The following DPH1 variants were observed in gnomAD, a reference collection of about 807,000 sequenced individuals.
DPH1 encodes the protein 2-(3-amino-3-carboxypropyl)histidine synthase subunit 1.
DPH1 carries 59 observed loss-of-function variants against 55.3 expected under a neutral mutation model. That is an observed-to-expected ratio of 1.07 (90% CI 0.87 to 1.33). DPH1 has a LOEUF of 1.33. Among genes scored for constraint, DPH1 ranks in the 40% most tolerant of loss-of-function variants. The probability of loss-of-function intolerance (pLI) is 0.00; values close to 1 mark genes in which losing one functional copy is unlikely to be tolerated. For synonymous variants in DPH1, 238 were observed against 235.5 expected (o/e 1.01, Z -0.10); for missense variants, 628 against 584.8 (o/e 1.07, Z -0.76).
In DPH1 at chr17:2,036,957, G is replaced by A; in HGVS notation, c.680+1G>A. 2 of 1,611,654 alleles carry A rather than the reference G, an allele frequency of 1.2e-6. No individual in the cohort carries two copies. The highest frequency in any genetic ancestry group is 1.7e-6 in the Non-Finnish European group (2 of 1,179,264). ...TGTCCAAAGAGGTGGAGGCCGTTGT[G>A]TAAGTTAAAAATGGGGGCCAAGTAA... On this transcript the variant is annotated splice_donor_variant, in intron 6 of 12. Coordinates refer to ENST00000263083, the MANE Select transcript of DPH1 (RefSeq NM_001383.6). LOFTEE classifies it high-confidence loss of function. The surrounding 1 kb of genome is among the most constrained non-coding windows in gnomAD (Gnocchi z 4.8).
At chr17:2,030,621 C>A (rs1436534436) in intron 1 of DPH1, among the ~76,000 whole-genome samples, 1 of 152,064 alleles carries the variant, frequency 6.6e-6, no homozygotes, top group African/African-American at 2.4e-5. Flanking sequence ...TAACTGAGCG[C>A]CCACCGAATG....
intron 6 of DPH1, among the ~76,000 whole-genome samples, chr17:2,038,062 C>T (rs2067452323): frequency 6.8e-6 from 1 of 147,726 alleles, no homozygotes; most frequent in Non-Finnish European, 1.5e-5. Flanking sequence ...GTAATCTCAA[C>T]ACTTTGGGAG....
At chr17:2,035,827 G>T in intron 3 of DPH1, 143 bp from the exon 4 acceptor site, 1 of 1,300,918 alleles carries the variant, frequency 7.7e-7, no homozygotes, top group Non-Finnish European at 1.1e-6. Context: ...ATCTTTGTTG[G>T]CAGAAGTGGC....
chr17:2,038,551 C>T (rs746380323), intron 6 of DPH1, among the ~76,000 whole-genome samples: 6 of 152,136 alleles, frequency 3.9e-5, no homozygotes, highest in African/African-American at 7.2e-5. Context: ...AGATCCGCCG[C>T]GGCATTAGAT....
intron 3 of DPH1, among the ~76,000 whole-genome samples, chr17:2,034,413 A>G (rs1206562027): frequency 6.6e-6 from 1 of 151,338 alleles, no homozygotes; most frequent in Non-Finnish European, 1.5e-5. Context: ...GGGGAGGGGA[A>G]CGAAGAAAGG....
rs1245346879 is a variant in DPH1 at position 2,043,500 on chromosome 17, G to C, written c.*914G>C. The C allele has an allele frequency of 1.1e-5, 2 of 188,104 alleles. No homozygotes were observed. Among genetic ancestry groups the C allele is most frequent in the African/African-American group, 4.7e-5 (2 of 42,314 alleles). 11.7% of individuals were successfully genotyped at this position (188,104 alleles called of 1,614,324 possible). A position where few individuals can be genotyped will look rare whatever the true frequency, so the allele number is the denominator to read the frequency against. Reference sequence around the variant, plus strand: ...AGTCGGTTTCTTGGCCATCTACATAGTTTTCTGGGCAGCGCCAAGCAGGGA... The same window carrying C: ...AGTCGGTTTCTTGGCCATCTACATACTTTTCTGGGCAGCGCCAAGCAGGGA... On this transcript the variant is annotated 3_prime_UTR_variant, in exon 13 of 13. Coordinates refer to ENST00000263083, the MANE Select transcript of DPH1 (RefSeq NM_001383.6).
Position 2,042,129 on chromosome 17 carries a change from G to T in DPH1, c.*18+254G>T, listed in dbSNP as rs545120649. ...GCGGGGCTTCCGTGAGAAGACCGGG[G>T]CGCTGAGGAAGGCGCTGCGGGGTCG... On this transcript the variant is annotated intron_variant, in intron 12 of 12. Coordinates refer to ENST00000263083, the MANE Select transcript of DPH1 (RefSeq NM_001383.6). 2.6e-6 allele frequency: 4 copies of T among 1,557,782 alleles called. No individual in the cohort carries two copies. The highest frequency in any genetic ancestry group is 2.3e-5 in the South Asian group (2 of 86,638).
intron 12 of DPH1, chr17:2,042,140 G>T (rs769788020): frequency 2.0e-6 from 3 of 1,537,378 alleles, no homozygotes; most frequent in South Asian, 2.4e-5. Context: ...CGCTGAGGAA[G>T]GCGCTGCGGG....
Position 2,040,339 on chromosome 17 carries a change from A to T in DPH1, c.871A>T (p.Thr291Ser), listed in dbSNP as rs766983322. Residue 291 changes from threonine (T) to serine (S), a missense_variant, in exon 8 of 13, where the codon ACT (threonine) becomes TCT (serine). Thr to Ser is a moderately conservative substitution (Grantham distance 58). Coordinates refer to ENST00000263083, the MANE Select transcript of DPH1 (RefSeq NM_001383.6). ...SAKSWGLILG[T>S]LGRQGSPKIL... ...TAAGTCCTGGGGCCTTATTCTGGGC[A>T]CTTTGGGCCGCCAGGGCAGTCCTAA... 6.2e-7 allele frequency: 1 copy of T among 1,614,006 alleles called. No homozygotes were observed. Among genetic ancestry groups the T allele is most frequent in the Non-Finnish European group, 8.5e-7 (1 of 1,180,030 alleles).
rs1208511837 is a variant in DPH1, at chr17:2,036,687, G to A, written c.558+1G>A. 7 of 1,614,022 alleles carry A rather than the reference G, an allele frequency of 4.3e-6. No individual in the cohort carries two copies. The highest frequency in any genetic ancestry group is 2.2e-5 in the East Asian group (1 of 44,894). The stretch of plus-strand genomic sequence containing the variant: ...CATTCAGTTTGTGTCGACCTTGCAG[G>A]TGGGTGGAACGAGGATCCTCGGCCT... On this transcript the variant is annotated splice_donor_variant, in intron 5 of 12. Coordinates refer to ENST00000263083, the MANE Select transcript of DPH1 (RefSeq NM_001383.6). LOFTEE classifies it high-confidence loss of function. This position sits in a 1 kb window ranked among gnomAD's most constrained non-coding sequence, Gnocchi z 4.8.
At chr17:2,035,147 G>C (rs948409340) in intron 3 of DPH1, 1 of 152,250 alleles carries the variant, frequency 6.6e-6, no homozygotes, top group African/African-American at 2.4e-5. Flanking sequence ...CAGTCACTGA[G>C]CCAGGCTCCA....
Position 2,033,518 on chromosome 17 carries a change from G to A in DPH1, c.75G>A (p.Arg25=), listed in dbSNP as rs1567542494. 1.9e-6 allele frequency: 3 copies of A among 1,614,120 alleles called. No homozygotes were observed. Among genetic ancestry groups the A allele is most frequent in the Non-Finnish European group, 2.5e-6 (3 of 1,180,040 alleles). ...TATCCATTCTAGGTCGGGCCCCTCG[G>A]GGCCGCGTGGCCAATCAGATCCCCC... ...RDGPGRGRAP[R]GRVANQIPPE... Residue 25 remains arginine, a synonymous_variant, in exon 2 of 13, where the codon CGG becomes CGA. Coordinates refer to ENST00000263083, the MANE Select transcript of DPH1 (RefSeq NM_001383.6).
chr17:2,032,028 T>C lies in DPH1; in HGVS notation c.62-1477T>C, dbSNP rs532352815. 1.4e-4 allele frequency among the ~76,000 whole-genome samples: 21 copies of C among 152,226 alleles called. No homozygotes were observed. In the South Asian group the frequency reaches 4.2e-3, roughly 30 times the overall value. On this transcript the variant is annotated intron_variant, in intron 1 of 12. Coordinates refer to ENST00000263083, the MANE Select transcript of DPH1 (RefSeq NM_001383.6). Reference sequence around the variant, plus strand: ...GGAGCAATGGGACAGCTAAGTCAGTTAAATGTATGATGTTTATTTCCCTTT... The same window carrying C: ...GGAGCAATGGGACAGCTAAGTCAGTCAAATGTATGATGTTTATTTCCCTTT...
At chr17:2,042,153 C>A in intron 12 of DPH1, 1 of 1,513,058 alleles carries the variant, frequency 6.6e-7, no homozygotes, top group Non-Finnish European at 8.8e-7. Flanking sequence ...GCTGCGGGGT[C>A]GCGCCGAGCT....
intron 1 of DPH1, chr17:2,033,266 C>G (rs539228690): frequency 1.7e-6 from 1 of 599,408 alleles, no homozygotes; most frequent in Non-Finnish European, 2.9e-6. Context: ...CCAGGCATCT[C>G]GTGACTCTGA....
Position 2,041,793 on chromosome 17 carries a change from C to T in DPH1, c.1253C>T (p.Pro418Leu). Reference protein sequence around the residue: ...GKVQEGSARPPSAVACEDCSC... With the variant: ...GKVQEGSARPLSAVACEDCSC... ...GTGCAGGAGGGGTCCGCGCGTCCCC[C>T]TTCGGCCGTGGCTTGCGAGGACTGC... Residue 418 changes from proline to leucine, a missense_variant, in exon 12 of 13, where the codon CCT becomes CTT. By Grantham distance (98) the Pro-to-Leu change is moderately conservative (BLOSUM62 -3). Coordinates refer to ENST00000263083, the MANE Select transcript of DPH1 (RefSeq NM_001383.6). The T allele has an allele frequency of 6.2e-7, 1 of 1,606,744 alleles. No homozygotes were observed. The highest frequency in any genetic ancestry group is 8.5e-7 in the Non-Finnish European group (1 of 1,177,260).
chr17:2,038,667 A>G (rs981639928), intron 6 of DPH1, among the ~76,000 whole-genome samples: 3 of 152,196 alleles, frequency 2.0e-5, no homozygotes, highest in Admixed American at 6.5e-5. Flanking sequence ...AGACAGTTTC[A>G]TCCTGAAACC....
chr17:2,032,960 CTGATCTCG>C (rs1296707301), intron 1 of DPH1, among the ~76,000 whole-genome samples: 1 of 152,166 alleles, frequency 6.6e-6, no homozygotes, highest in Admixed American at 6.5e-5. Context: ...TCTCGATCTC[CTGATCTCG>C]TGATCCGCCC....
chr17:2,037,456 C>T (rs1390343362), intron 6 of DPH1, among the ~76,000 whole-genome samples: 1 of 152,142 alleles, frequency 6.6e-6, no homozygotes, highest in East Asian at 1.9e-4. Flanking sequence ...GAGGGTCGCT[C>T]CCTGACTCAG....
Sources: allele counts gnomAD v4.1 joint callset (sites outside exome capture counted in the v4.1 genomes callset), GRCh38; gene constraint gnomAD v4.1.1; non-coding constraint Gnocchi (gnomAD v3.1); transcripts MANE v1.5; gene names NCBI Gene and HGNC (gene_info 2026-07-23, HGNC 2026-07-21).